The following MEDAG variants were observed in gnomAD, a reference collection of about 807,000 sequenced individuals.
MEDAG encodes mesenteric estrogen-dependent adipogenesis protein.
A neutral mutation model predicts 29.9 loss-of-function variants in MEDAG; 25 were observed. That is an observed-to-expected ratio of 0.84 (90% confidence interval 0.61 to 1.17). The LOEUF (loss-of-function observed/expected upper bound fraction) is 1.17, where lower values mean the gene tolerates loss of function less well. Ranked by LOEUF, MEDAG falls within the 50% of genes most tolerant of loss-of-function variation. The pLI, the probability that MEDAG is intolerant of heterozygous loss-of-function variation, is 0.00. For missense variants in MEDAG, 398 were observed against 372.9 expected, an observed-to-expected ratio of 1.07 and a Z score of -0.56; for synonymous variants, 158 against 148.2, an observed-to-expected ratio of 1.07 and a Z score of -0.48.
At position 30,908,176 on chromosome 13, in the gene MEDAG, A is replaced by T. The variant is rs114403191; in HGVS notation, c.278+1383A>T. ...ATCTGAAATGATTTTGAAGTCTGTC[A>T]TCTAACTTTTGCTTTGAACACCTCC... is the stretch of plus-strand genomic sequence containing the variant. On this transcript the variant is annotated intron_variant, in intron 1 of 4. Coordinates refer to ENST00000380482, the MANE Select transcript of MEDAG (RefSeq NM_032849.4). Among the ~76,000 whole-genome samples, 1,312 of 152,358 alleles carry T rather than the reference A, an allele frequency of 8.6e-3. 31 individuals are homozygous for T. The highest frequency in any genetic ancestry group is 0.03 in the African/African-American group (1,258 of 41,574).
intron 3 of MEDAG, among the ~76,000 whole-genome samples, 175 bp from the exon 4 acceptor site, chr13:30,921,386 G>T (rs1952983686): frequency 6.6e-6 from 1 of 152,240 alleles, no homozygotes; most frequent in South Asian, 2.1e-4. Context: ...GATGGAATAT[G>T]ATGCAAATGC....
chr13:30,920,526 C>T (rs1241768451), intron 2 of MEDAG, among the ~76,000 whole-genome samples: 1 of 151,810 alleles, frequency 6.6e-6, no homozygotes, highest in African/African-American at 2.4e-5. Context: ...GAGGTTGAGG[C>T]TGCAGTGAGC....
At chr13:30,923,777 A>G (rs1271772720) in intron 4 of MEDAG, among the ~76,000 whole-genome samples, 2 of 152,138 alleles carry the variant, frequency 1.3e-5, no homozygotes, top group African/African-American at 2.4e-5. Context: ...TCTTTGGGAC[A>G]CTGAGGAACA....
Position 30,906,487 on chromosome 13 carries a change from C to T in MEDAG, c.-29C>T, listed in dbSNP as rs1374678878. 2 of 1,461,122 alleles carry T rather than the reference C, an allele frequency of 1.4e-6. No homozygotes were observed. The highest frequency in any genetic ancestry group is 1.8e-6 in the Non-Finnish European group (2 of 1,112,428). The allele number at this position is 1,461,122 out of a possible 1,614,324, so 90.5% of individuals were successfully genotyped here. ...GGGGGCTGTAGGCACCGGACGGAAGCAGGCGGTGTGAGGACCGACGACGCG... is the reference window on the plus strand; with the variant it reads ...GGGGGCTGTAGGCACCGGACGGAAGTAGGCGGTGTGAGGACCGACGACGCG... On this transcript the variant is annotated 5_prime_UTR_variant, in exon 1 of 5. Coordinates refer to ENST00000380482, the MANE Select transcript of MEDAG (RefSeq NM_032849.4).
intron 1 of MEDAG, among the ~76,000 whole-genome samples, chr13:30,908,515 A>G (rs1232227424): frequency 1.3e-5 from 2 of 152,186 alleles, no homozygotes; most frequent in Non-Finnish European, 2.9e-5. Context: ...ACAGCCTTCC[A>G]GGCAGAGGGG....
At chr13:30,907,232 A>T (rs931952753) in intron 1 of MEDAG, among the ~76,000 whole-genome samples, 1 of 152,190 alleles carries the variant, frequency 6.6e-6, no homozygotes, top group Non-Finnish European at 1.5e-5. Flanking sequence ...GGGGGCATGC[A>T]CCATTCTGAG....
chr13:30,918,374 A>T (rs1035651209), intron 2 of MEDAG, among the ~76,000 whole-genome samples: 9 of 152,202 alleles, frequency 5.9e-5, no homozygotes, highest in Non-Finnish European at 1.2e-4. Flanking sequence ...ATGCGTAATT[A>T]TCCCACTTAG....
intron 3 of MEDAG, among the ~76,000 whole-genome samples, 197 bp downstream of exon 3, chr13:30,921,323 T>C (rs1390818258): frequency 6.6e-6 from 1 of 152,216 alleles, no homozygotes; most frequent in Admixed American, 6.5e-5. Context: ...TAGCAACCTA[T>C]TAGAAATGGG....
At position 30,906,284 on chromosome 13, in the gene MEDAG, G is replaced by C. The variant is rs1164297892; in HGVS notation, c.-232G>C. ...TGCGCCGGGGCCGCTTTCTCCGCGC[G>C]GTGCCTGCAGGGCTCCCAGCGAGTG... On this transcript the variant is annotated 5_prime_UTR_variant, in exon 1 of 5. Coordinates refer to ENST00000380482, the MANE Select transcript of MEDAG (RefSeq NM_032849.4). 1.0e-5 allele frequency: 4 copies of C among 390,986 alleles called. No homozygotes were observed. 24.2% of individuals were successfully genotyped at this position (390,986 alleles called of 1,614,324 possible). A position where few individuals can be genotyped will look rare whatever the true frequency, so the allele number is the denominator to read the frequency against.
chr13:30,919,659 T>C (rs1952963719), intron 2 of MEDAG, among the ~76,000 whole-genome samples: 1 of 152,236 alleles, frequency 6.6e-6, no homozygotes, highest in South Asian at 2.1e-4. Flanking sequence ...TAGTTTAAAA[T>C]GCCTTCCTCG....
In MEDAG at chr13:30,912,576, G is replaced by C. The variant is rs568493880; in HGVS notation, c.279-4827G>C. Among the ~76,000 whole-genome samples the C allele has an allele frequency of 2.6e-5, 4 of 152,066 alleles. No individual in the cohort carries two copies. In the South Asian group the frequency reaches 8.3e-4, roughly 32 times the overall value. ...CCATGAAGGATTTGAATTCCTATTT[G>C]TCATTGAGCAGAAATTGTTAGAGCC... is the stretch of plus-strand genomic sequence containing the variant. On this transcript the variant is annotated intron_variant, in intron 1 of 4. Coordinates refer to ENST00000380482, the MANE Select transcript of MEDAG (RefSeq NM_032849.4).
At chr13:30,917,670 G>A (rs866228837) in intron 2 of MEDAG, among the ~76,000 whole-genome samples, 158 bp downstream of exon 2, 39 of 152,308 alleles carry the variant, frequency 2.6e-4, no homozygotes, top group Middle Eastern at 6.8e-3. Flanking sequence ...CATGGTGGAA[G>A]GCGAAGGGAA....
intron 1 of MEDAG, among the ~76,000 whole-genome samples, chr13:30,911,982 C>T (rs1952886080): frequency 6.6e-6 from 1 of 152,096 alleles, no homozygotes; most frequent in Non-Finnish European, 1.5e-5. Flanking sequence ...TCATCTGTCT[C>T]CCTAGGAGAC....
chr13:30,915,537 T>C (rs1427459244), intron 1 of MEDAG, among the ~76,000 whole-genome samples: 1 of 152,066 alleles, frequency 6.6e-6, no homozygotes, highest in Non-Finnish European at 1.5e-5. Context: ...CAAATGGTGG[T>C]TTTCTTTTTC....
intron 2 of MEDAG, among the ~76,000 whole-genome samples, chr13:30,919,364 A>G (rs1345007360): frequency 6.6e-6 from 1 of 152,094 alleles, no homozygotes; most frequent in Non-Finnish European, 1.5e-5. Flanking sequence ...CAAGTTTGTC[A>G]TAATATAAAA....
At position 30,917,424 on chromosome 13, in the gene MEDAG, C is replaced by T. The variant is rs749004022; in HGVS notation, c.300C>T (p.Tyr100=). ...ATAGGTATGTGGAACTGACCAACTA[C>T]TGTGATTATAAAGACTACAGGGAAA... is the stretch of plus-strand genomic sequence containing the variant. ...YIKRYVELTN[Y]CDYKDYRETI... The change falls in exon 2 of 5, where the codon TAC becomes TAT. Residue 100 remains tyrosine (Y), a synonymous_variant. Coordinates refer to ENST00000380482, the MANE Select transcript of MEDAG (RefSeq NM_032849.4). 1 of 1,604,428 alleles carries T rather than the reference C, an allele frequency of 6.2e-7. No homozygotes were observed. The highest frequency in any genetic ancestry group is 8.5e-7 in the Non-Finnish European group (1 of 1,171,266).
intron 1 of MEDAG, among the ~76,000 whole-genome samples, chr13:30,907,064 G>A (rs533672602): frequency 6.6e-6 from 1 of 152,154 alleles, no homozygotes; most frequent in Non-Finnish European, 1.5e-5. Flanking sequence ...GAGGGCAGGG[G>A]CCCCCCAGCC....
intron 1 of MEDAG, among the ~76,000 whole-genome samples, chr13:30,911,587 C>T (rs971943827): frequency 5.3e-5 from 8 of 152,132 alleles, no homozygotes; most frequent in African/African-American, 1.7e-4. Context: ...TCTCCTACTA[C>T]CCATCTTACC....
In MEDAG at chr13:30,906,405, G is replaced by A. The variant is rs1414722243; in HGVS notation, c.-111G>A. ...CAGACCGACCCCCTCCTCACCTCGC[G>A]CGCGGCTGACGCAGGCAGGGCGCCC... is the stretch of plus-strand genomic sequence containing the variant. On this transcript the variant is annotated 5_prime_UTR_variant, in exon 1 of 5. Coordinates refer to ENST00000380482, the MANE Select transcript of MEDAG (RefSeq NM_032849.4). The A allele has an allele frequency of 3.1e-5, 37 of 1,201,344 alleles. No homozygotes were observed. The highest frequency in any genetic ancestry group is 3.8e-5 in the Non-Finnish European group (35 of 928,844). The allele number at this position is 1,201,344 out of a possible 1,614,324, so 74.4% of individuals were successfully genotyped here. A position where few individuals can be genotyped will look rare whatever the true frequency, so the allele number is the denominator to read the frequency against.
Sources: allele counts gnomAD v4.1 joint callset (sites outside exome capture counted in the v4.1 genomes callset), GRCh38; gene constraint gnomAD v4.1.1; transcripts MANE v1.5; gene names NCBI Gene and HGNC (gene_info 2026-07-23, HGNC 2026-07-21).